Variants in CHD6 observed in about 807,000 individuals in gnomAD.
CHD6 encodes ATP-dependent chromatin remodeler CHD6.
In CHD6, 50 loss-of-function variants were observed where a neutral mutation model predicts 276.9. The ratio of observed to expected loss-of-function variants is 0.18; its 90% CI spans 0.14 to 0.23. CHD6 has a LOEUF of 0.23. Among genes scored for constraint, CHD6 ranks in the 10% least tolerant of loss-of-function variants. The probability of loss-of-function intolerance (pLI) is 1.00; values close to 1 mark genes in which losing one functional copy is unlikely to be tolerated. For missense variants in CHD6, 2,564 were observed against 3,365.8 expected, an observed-to-expected ratio of 0.76 and a Z score of 5.89; for synonymous variants, 1,173 against 1,229.3, an observed-to-expected ratio of 0.95 and a Z score of 0.96.
intron 3 of CHD6, among the ~76,000 whole-genome samples, chr20:41,528,353 T>C (rs150021951): frequency 2.0e-5 from 3 of 152,284 alleles, no homozygotes; most frequent in African/African-American, 4.8e-5. Context: ...TATGTTTGTA[T>C]GTATACACAT....
intron 33 of CHD6, 25 bp downstream of exon 33, chr20:41,416,562 TG>T: frequency 6.3e-7 from 1 of 1,588,140 alleles, no homozygotes; most frequent in Non-Finnish European, 8.6e-7. Context: ...CTTTGTTTTG[TG>T]GTCACTCCAT....
At chr20:41,550,997 ATC>A (rs999623060) in intron 2 of CHD6, among the ~76,000 whole-genome samples, 3 of 152,360 alleles carry the variant, frequency 2.0e-5, no homozygotes, top group African/African-American at 7.2e-5. Context: ...AATTGGTCAC[ATC>A]TCTCTTTCAG....
At chr20:41,415,157 G>A (rs1600800915) in intron 34 of CHD6, 29 bp downstream of exon 34, 2 of 1,582,252 alleles carry the variant, frequency 1.3e-6, no homozygotes, top group South Asian at 2.3e-5. Context: ...AAAGGTAAAT[G>A]TTTTTAATCT....
At chr20:41,445,542 A>G (rs1473299431) in intron 25 of CHD6, 123 bp downstream of exon 25, 3 of 625,642 alleles carry the variant, frequency 4.8e-6, no homozygotes, top group Non-Finnish European at 8.7e-6. Flanking sequence ...CTACTTTTTA[A>G]GATGAATGTG....
intron 27 of CHD6, among the ~76,000 whole-genome samples, chr20:41,433,879 C>T (rs972753271): frequency 2.6e-5 from 4 of 151,950 alleles, no homozygotes; most frequent in African/African-American, 9.7e-5. Flanking sequence ...AAAATGATAG[C>T]ATTAGTAGAC....
rs547826139 is a variant in CHD6, at chr20:41,561,176, A to C, written c.-23-9816T>G. On this transcript the variant is annotated intron_variant, in intron 1 of 36. Coordinates refer to ENST00000373233, the MANE Select transcript of CHD6 (RefSeq NM_032221.5). ...AAATGGGTATGGCTGTGTTCCAATAAAACTTTTTTTCAAAAACAGGAAGTC... is the reference window on the plus strand; with the variant it reads ...AAATGGGTATGGCTGTGTTCCAATACAACTTTTTTTCAAAAACAGGAAGTC... 3.9e-5 allele frequency among the ~76,000 whole-genome samples: 6 copies of C among 152,328 alleles called. No homozygotes were observed. The East Asian group carries it at 9.6e-4, about 24-fold the overall frequency.
intron 11 of CHD6, among the ~76,000 whole-genome samples, chr20:41,491,208 T>G (rs1568638734): frequency 6.6e-6 from 1 of 151,920 alleles, no homozygotes; most frequent in Non-Finnish European, 1.5e-5. Context: ...GAACTTCCAA[T>G]TTTTTAAAAA....
rs1284327657 is a variant in CHD6, at chr20:41,484,470, G to A, written c.2139C>T (p.Ala713=). ...GGAAGGAAAAGTTCTTCTCGAGGAT[G>A]GCACGGTAGTACTTTTTCTGGATAT... is the stretch of plus-strand genomic sequence containing the variant. ...LTNIQKKYYR[A]ILEKNFSFLT... is the part of the protein sequence containing the mutation. The change falls in exon 15 of 37, where the codon GCC becomes GCT. Residue 713 remains alanine, a synonymous_variant. Transcript: ENST00000373233. 6.2e-7 allele frequency: 1 copy of A among 1,613,748 alleles called. No individual in the cohort carries two copies. The highest frequency in any genetic ancestry group is 8.5e-7 in the Non-Finnish European group (1 of 1,179,862).
rs762128615 is a variant in CHD6 at position 41,422,074 on chromosome 20, G to C, written c.4561C>G (p.Pro1521Ala). The C allele has an allele frequency of 1.9e-6, 3 of 1,604,974 alleles. No homozygotes were observed. The South Asian group carries it at 3.3e-5, about 18-fold the overall frequency. Residue 1521 changes from proline (P) to alanine (A), a missense_variant, in exon 31 of 37, where the codon CCA becomes GCA. Coordinates refer to ENST00000373233, the MANE Select transcript of CHD6 (RefSeq NM_032221.5). ...GGTTCAACGTAGATGGTGGTATCTG[G>C]GGGACCTGGAGAGAAAGGGAAATAA... ...RLPTWKDGGPPDTTIYVEPIT... is the reference protein window; with the variant it reads ...RLPTWKDGGPADTTIYVEPIT...
intron 14 of CHD6, among the ~76,000 whole-genome samples, chr20:41,487,386 G>T (rs961755181): frequency 4.6e-5 from 7 of 152,146 alleles, no homozygotes; most frequent in African/African-American, 1.7e-4. Flanking sequence ...CGCACAATAT[G>T]TGAAATTAGT....
chr20:41,613,497 C>T (rs2045907968), intron 1 of CHD6, among the ~76,000 whole-genome samples: 2 of 152,174 alleles, frequency 1.3e-5, no homozygotes, highest in African/African-American at 4.8e-5. Flanking sequence ...CGAATGGCTT[C>T]CATGTGATCA....
rs1446913759 is a variant in CHD6, at chr20:41,403,476, T to C, written c.*1117A>G. Reference sequence around the variant, plus strand: ...AATGTAGTTTCGATTAACTGATAATTTGGAATTTGGGTCCAACTGTAAGAT... The same window carrying C: ...AATGTAGTTTCGATTAACTGATAATCTGGAATTTGGGTCCAACTGTAAGAT... On this transcript the variant is annotated 3_prime_UTR_variant, in exon 37 of 37. Coordinates refer to ENST00000373233, the MANE Select transcript of CHD6 (RefSeq NM_032221.5). 3 of 1,062,118 alleles carry C rather than the reference T, an allele frequency of 2.8e-6. No homozygotes were observed. Among genetic ancestry groups the C allele is most frequent in the South Asian group, 4.6e-5 (1 of 21,958 alleles). The allele number at this position is 1,062,118 out of a possible 1,614,324, so 65.8% of individuals were successfully genotyped here.
At chr20:41,469,381 A>T (rs1418746756) in intron 17 of CHD6, among the ~76,000 whole-genome samples, 3 of 152,228 alleles carry the variant, frequency 2.0e-5, no homozygotes, top group Admixed American at 2.0e-4. Context: ...AATAAGAAGC[A>T]GAAGTATCAC....
rs763686404 is a variant in CHD6 at position 41,490,041 on chromosome 20, T to C, written c.1437-20A>G. 3.2e-5 allele frequency: 51 copies of C among 1,607,786 alleles called. No homozygotes were observed. The highest frequency in any genetic ancestry group is 1.9e-4 in the African/African-American group (14 of 74,698). On this transcript the variant is annotated intron_variant, in intron 11 of 36. Transcript: ENST00000373233. Reference sequence around the variant, plus strand: ...TTTTTTCTGCAGAGAGTGAGAAATATAGGTAATTCATTATCAATATAGGAA... The same window carrying C: ...TTTTTTCTGCAGAGAGTGAGAAATACAGGTAATTCATTATCAATATAGGAA...
chr20:41,420,088 T>C lies in CHD6; in HGVS notation c.6127+420A>G, dbSNP rs111869470. Among the ~76,000 whole-genome samples, 11 of 152,342 alleles carry C rather than the reference T, an allele frequency of 7.2e-5. 1 individual carries two copies. Among genetic ancestry groups the C allele is most frequent in the African/African-American group, 2.4e-4 (10 of 41,578 alleles). ...TCACCTTAACAAAGATCAAATTTAT[T>C]TGTATTTTTGTTCAGTTCCTGAAAA... On this transcript the variant is annotated intron_variant, in intron 31 of 36. Coordinates refer to ENST00000373233, the MANE Select transcript of CHD6 (RefSeq NM_032221.5).
At position 41,502,792 on chromosome 20, in the gene CHD6, G is replaced by C. The variant is rs572151630; in HGVS notation, c.853-3435C>G. Among the ~76,000 whole-genome samples the C allele has an allele frequency of 3.6e-3, 555 of 152,286 alleles. 2 individuals carry two copies. The highest frequency in any genetic ancestry group is 0.013 in the African/African-American group (529 of 41,562). On this transcript the variant is annotated intron_variant, in intron 5 of 36. Transcript: ENST00000373233. ...AGGTCGAGGCAGGTGGGTCACTTGA[G>C]GTCAGGAACTCGGGACCAGCCTGGC...
chr20:41,582,901 T>C (rs1393523530), intron 1 of CHD6, among the ~76,000 whole-genome samples: 2 of 152,092 alleles, frequency 1.3e-5, no homozygotes, highest in Non-Finnish European at 2.9e-5. Context: ...GTAATCGAAC[T>C]TGAAGATAGG....
intron 17 of CHD6, 26 bp from the exon 18 acceptor site, chr20:41,457,454 T>C (rs1329307457): frequency 1.3e-6 from 2 of 1,599,000 alleles, no homozygotes; most frequent in Non-Finnish European, 8.6e-7. Context: ...GTCATATGCA[T>C]CACGTCACCG....
intron 3 of CHD6, among the ~76,000 whole-genome samples, chr20:41,515,197 A>G (rs2044221419): frequency 6.6e-6 from 1 of 152,228 alleles, no homozygotes; most frequent in Admixed American, 6.5e-5. Context: ...GTAAGAAATA[A>G]TATGAACATC....
Sources: allele counts gnomAD v4.1 joint callset (sites outside exome capture counted in the v4.1 genomes callset), GRCh38; gene constraint gnomAD v4.1.1; transcripts MANE v1.5; gene names NCBI Gene and HGNC (gene_info 2026-07-23, HGNC 2026-07-21).